UBXN11: variants seen among roughly 807,000 people sequenced by gnomAD.
UBXN11 encodes the protein UBX domain protein 11, also known as UBX domain-containing protein 11.
Under a neutral mutation model 62.8 loss-of-function variants are expected in UBXN11, and 47 were observed. The observed-to-expected ratio is 0.75, with a 90% confidence interval of 0.59 to 0.95. The LOEUF (loss-of-function observed/expected upper bound fraction) is 0.95. UBXN11 is among the 40% of genes least tolerant of loss of function. The pLI is 0.00. For missense variants in UBXN11, 638 were observed against 661.7 expected (o/e 0.96, Z 0.39); for synonymous variants, 294 against 267.0 (o/e 1.10, Z -0.99).
At chr1:26,307,772 T>A (rs1462432775), upstream of UBXN11, among the ~76,000 whole-genome samples, 1 of 152,046 alleles carries the variant, frequency 6.6e-6, no homozygotes, top group Non-Finnish European at 1.5e-5. Context: ...ACTACAGGTG[T>A]GCACAACAAC....
intron 2 of UBXN11, 51 bp from the exon 3 acceptor site, chr1:26,301,773 A>G (rs1310650524): frequency 6.2e-6 from 10 of 1,611,258 alleles, no homozygotes; most frequent in Non-Finnish European, 8.5e-6. Flanking sequence ...GGCCCCTGGA[A>G]TGATACCAGG....
chr1:26,314,909 T>C (rs778368412), intron 1 of UBXN11, among the ~76,000 whole-genome samples: 9 of 152,056 alleles, frequency 5.9e-5, no homozygotes, highest in Admixed American at 2.0e-4. Flanking sequence ...ATAGCAAAAC[T>C]CCACCCTCCA....
intron 1 of UBXN11, among the ~76,000 whole-genome samples, chr1:26,312,894 G>A (rs555522157): frequency 3.5e-5 from 5 of 141,368 alleles, no homozygotes; most frequent in African/African-American, 8.0e-5. Flanking sequence ...CAGGAGAATC[G>A]CTTGAACCTA....
intron 1 of UBXN11, among the ~76,000 whole-genome samples, chr1:26,314,436 C>A (rs1424578904): frequency 6.6e-6 from 1 of 152,202 alleles, no homozygotes; most frequent in East Asian, 1.9e-4. Flanking sequence ...TCTCAGCTGT[C>A]CCCTCTGCAA....
upstream of UBXN11, chr1:26,306,734 C>T (rs2073677119): frequency 6.7e-6 from 1 of 149,684 alleles, no homozygotes; most frequent in Non-Finnish European, 1.5e-5. Flanking sequence ...ATACAGTCGC[C>T]TGTGCTCGGA....
At chr1:26,302,107 G>A (rs1399639343) in intron 2 of UBXN11, among the ~76,000 whole-genome samples, 3 of 152,200 alleles carry the variant, frequency 2.0e-5, no homozygotes, top group Non-Finnish European at 4.4e-5. Context: ...GCGGTGGCTG[G>A]TAATTCCAGC....
chr1:26,292,752 G>A (rs1473165860), intron 8 of UBXN11, among the ~76,000 whole-genome samples: 1 of 152,048 alleles, frequency 6.6e-6, no homozygotes, highest in Non-Finnish European at 1.5e-5. Context: ...TACTCAGGAG[G>A]CTGAGGCAGG....
chr1:26,318,332 G>A (rs756947531), exon 1 of UBXN11: 34 of 456,092 alleles, frequency 7.5e-5, no homozygotes, highest in Non-Finnish European at 1.2e-4. Flanking sequence ...TGCTAGGCGC[G>A]TTGGGGCACC....
At chr1:26,315,704 G>A (rs1224739919) in intron 1 of UBXN11, among the ~76,000 whole-genome samples, 1 of 152,114 alleles carries the variant, frequency 6.6e-6, no homozygotes, top group Non-Finnish European at 1.5e-5. Flanking sequence ...TTGTCGCTCA[G>A]GCTGGAGTGC....
chr1:26,285,619 G>A (rs573229245), intron 9 of UBXN11, 78 bp from the exon 10 acceptor site: 2 of 1,435,382 alleles, frequency 1.4e-6, no homozygotes, highest in African/African-American at 2.8e-5. Context: ...TGGATGGCAG[G>A]CCCTAGATCC....
At chr1:26,298,125 GGGA>G in intron 4 of UBXN11, 63 bp from the exon 5 acceptor site, 5 of 1,539,544 alleles carry the variant, frequency 3.2e-6, no homozygotes, top group Non-Finnish European at 4.4e-6. Context: ...GTGGGGGGGA[GGGA>G]GGAGGATAGG....
chr1:26,292,960 C>T (rs2124649381), intron 8 of UBXN11, among the ~76,000 whole-genome samples: 1 of 152,204 alleles, frequency 6.6e-6, no homozygotes, highest in Non-Finnish European at 1.5e-5. Flanking sequence ...CAGCCAGAGC[C>T]CAGGCCTAAA....
chr1:26,306,828 G>GGGGGGGGGT (rs201507060), upstream of UBXN11: 1 of 71,360 alleles, frequency 1.4e-5, no homozygotes, highest in Non-Finnish European at 3.0e-5. Context: ...CCGGGGCGGG[G>GGGGGGGGGT]TGGGGGGGGG....
rs11247900 is a variant in UBXN11, at chr1:26,285,969, G to A, written c.628C>T (p.Leu210=). ...ACTTGGGTGTCACCCTCTACCACCA[G>A]CTCACTAAGATCCTGCAGGCTGGCC... ...LLASLQDLSE[L]VVEGDTQVTP... Residue 210 remains leucine, a synonymous_variant, in exon 9 of 15, where the codon CTG becomes TTG. Transcript: ENST00000374222. The A allele has an allele frequency of 0.16, 263,858 of 1,612,856 alleles. 22,536 individuals are homozygous for A. The highest frequency in any genetic ancestry group is 0.19 in the Middle Eastern group (1,144 of 6,054).
chr1:26,294,464 G>A, intron 7 of UBXN11, 133 bp from the exon 8 acceptor site: 2 of 1,354,686 alleles, frequency 1.5e-6, no homozygotes, highest in Non-Finnish European at 2.0e-6. Flanking sequence ...AAAGGGATGA[G>A]TAGGGGGATC....
At chr1:26,302,955 C>G in intron 1 of UBXN11, 37 bp from the exon 2 acceptor site, 1 of 1,492,040 alleles carries the variant, frequency 6.7e-7, no homozygotes, top group Middle Eastern at 1.9e-4. Flanking sequence ...TGGGGACAGA[C>G]TCAGGGCTCC....
chr1:26,303,164 A>G, intron 1 of UBXN11: 1 of 326,882 alleles, frequency 3.1e-6, no homozygotes, highest in Non-Finnish European at 5.6e-6. Flanking sequence ...TGCTTGGGAA[A>G]GTACTGTGAG....
intron 1 of UBXN11, 114 bp from the exon 2 acceptor site, chr1:26,303,032 G>A: frequency 1.5e-6 from 1 of 662,652 alleles, no homozygotes; most frequent in Non-Finnish European, 2.6e-6. Flanking sequence ...GCGCTGTCTA[G>A]GCAGCAGTAC....
At chr1:26,290,679 G>A in intron 8 of UBXN11, among the ~76,000 whole-genome samples, 1 of 152,128 alleles carries the variant, frequency 6.6e-6, no homozygotes, top group Non-Finnish European at 1.5e-5. Context: ...GGCTTGAGAG[G>A]AAGGAGGGAG....
Sources: gnomAD v4.1 joint callset for allele counts (sites outside exome capture counted in the v4.1 genomes callset) on GRCh38, gnomAD v4.1.1 for gene constraint, MANE v1.5 for transcripts, NCBI Gene and HGNC (gene_info 2026-07-23, HGNC 2026-07-21) for gene names.